Variants in SGMS1 observed in about 807,000 individuals in gnomAD.
SGMS1 encodes phosphatidylcholine:ceramide cholinephosphotransferase 1.
Under a neutral mutation model 46.2 loss-of-function variants are expected in SGMS1, and 13 were observed. That is an observed-to-expected ratio of 0.28 (90% CI 0.18 to 0.45). The LOEUF is 0.45. SGMS1 is among the 20% of genes least tolerant of loss of function. The pLI is 1.00. For synonymous variants in SGMS1, 203 were observed against 187.8 expected (o/e 1.08, Z -0.66); for missense variants, 324 against 519.9 (o/e 0.62, Z 3.66).
chr10:50,391,814 T>C (rs974053040), intron 6 of SGMS1, among the ~76,000 whole-genome samples: 2 of 144,520 alleles, frequency 1.4e-5, no homozygotes, highest in African/African-American at 5.2e-5. Flanking sequence ...GGTGTATATA[T>C]ATGCCATGGA....
intron 2 of SGMS1, among the ~76,000 whole-genome samples, chr10:50,530,166 C>T (rs1465964219): frequency 1.3e-5 from 2 of 152,154 alleles, no homozygotes; most frequent in African/African-American, 4.8e-5. Context: ...TTTAGATGAG[C>T]TTCATCAGAA....
chr10:50,584,725 G>A (rs1038287730), intron 2 of SGMS1, among the ~76,000 whole-genome samples: 1 of 152,164 alleles, frequency 6.6e-6, no homozygotes, highest in Non-Finnish European at 1.5e-5. Context: ...TTTGATGTCT[G>A]ATGGCTCCCA....
At chr10:50,370,854 C>T (rs777020074) in intron 6 of SGMS1, among the ~76,000 whole-genome samples, 47 of 151,998 alleles carry the variant, frequency 3.1e-4, no homozygotes, top group Admixed American at 4.6e-4. Flanking sequence ...AGAAGGTCTT[C>T]GGGGCAATAA....
chr10:50,392,775 C>T (rs1848792456), intron 6 of SGMS1, among the ~76,000 whole-genome samples: 1 of 152,178 alleles, frequency 6.6e-6, no homozygotes, highest in Non-Finnish European at 1.5e-5. Context: ...TACTGCCCCT[C>T]TTTCCCCAGA....
chr10:50,344,627 T>C (rs1847884391), intron 6 of SGMS1, among the ~76,000 whole-genome samples: 1 of 152,022 alleles, frequency 6.6e-6, no homozygotes. Flanking sequence ...CCCAGCGCTT[T>C]GGGAGAACGA....
intron 3 of SGMS1, among the ~76,000 whole-genome samples, chr10:50,476,774 G>A (rs1403662636): frequency 2.1e-4 from 32 of 152,254 alleles, no homozygotes; most frequent in Admixed American, 2.1e-3. Context: ...TCAGGCCACT[G>A]CTCCAGAGGG....
chr10:50,409,293 T>C (rs1006562152), intron 6 of SGMS1, among the ~76,000 whole-genome samples: 1 of 152,222 alleles, frequency 6.6e-6, no homozygotes, highest in Non-Finnish European at 1.5e-5. Flanking sequence ...ATACAATACA[T>C]TGTTGTTAAC....
At chr10:50,463,767 C>T (rs548498715) in intron 4 of SGMS1, among the ~76,000 whole-genome samples, 225 of 152,160 alleles carry the variant, frequency 1.5e-3, no homozygotes, top group Non-Finnish European at 1.9e-3. Context: ...AAGAGGTGGA[C>T]GCAACCCACA....
At chr10:50,546,852 C>A (rs1003143245) in intron 2 of SGMS1, among the ~76,000 whole-genome samples, 1 of 151,826 alleles carries the variant, frequency 6.6e-6, no homozygotes, top group Non-Finnish European at 1.5e-5. Context: ...GCACATGTAC[C>A]CTAAAACTTA....
At chr10:50,384,262 A>T (rs2133484442) in intron 6 of SGMS1, among the ~76,000 whole-genome samples, 1 of 152,274 alleles carries the variant, frequency 6.6e-6, no homozygotes, top group East Asian at 1.9e-4. Context: ...CATTTGTATG[A>T]TCTTGAGTAA....
chr10:50,504,987 A>G (rs1177807991), intron 3 of SGMS1, among the ~76,000 whole-genome samples: 1 of 152,200 alleles, frequency 6.6e-6, no homozygotes. Flanking sequence ...TGGGAGGCCA[A>G]GGCAGGAGGC....
intron 6 of SGMS1, among the ~76,000 whole-genome samples, chr10:50,430,391 C>T (rs1849391227): frequency 7.1e-6 from 1 of 141,300 alleles, no homozygotes; most frequent in Admixed American, 7.4e-5. Context: ...GATTTCAAAA[C>T]AATAGTAATA....
intron 2 of SGMS1, among the ~76,000 whole-genome samples, chr10:50,584,426 G>C (rs1475466036): frequency 3.3e-5 from 5 of 150,752 alleles, no homozygotes; most frequent in Non-Finnish European, 7.4e-5. Context: ...TTGAACCCGG[G>C]AGGCAGAGGT....
chr10:50,598,590 G>A (rs1273558486), intron 1 of SGMS1, among the ~76,000 whole-genome samples: 1 of 152,156 alleles, frequency 6.6e-6, no homozygotes, highest in Non-Finnish European at 1.5e-5. Context: ...GGGTCATATA[G>A]CTCTGAAGTT....
intron 2 of SGMS1, among the ~76,000 whole-genome samples, chr10:50,579,290 A>T (rs1478555790): frequency 4.6e-5 from 7 of 152,208 alleles, no homozygotes; most frequent in Non-Finnish European, 1.0e-4. Context: ...GGCTGTCATA[A>T]GACAGTAAGT....
chr10:50,379,411 C>A (rs1848569105), intron 6 of SGMS1, among the ~76,000 whole-genome samples: 1 of 148,590 alleles, frequency 6.7e-6, no homozygotes, highest in South Asian at 2.2e-4. Context: ...ATGTATTTAT[C>A]ATTCACATAT....
At chr10:50,436,481 T>G (rs896402275) in intron 5 of SGMS1, among the ~76,000 whole-genome samples, 1 of 152,182 alleles carries the variant, frequency 6.6e-6, no homozygotes, top group Non-Finnish European at 1.5e-5. Context: ...TTTAAAAGAA[T>G]GCAGAACACT....
At position 50,561,943 on chromosome 10, in the gene SGMS1, T is replaced by C. The variant is rs535641948; in HGVS notation, c.-589+28210A>G. On this transcript the variant is annotated intron_variant, in intron 2 of 10. Coordinates refer to ENST00000361781, the MANE Select transcript of SGMS1 (RefSeq NM_147156.4). Reference sequence around the variant, plus strand: ...GCAAGGAAGGAAGGAGGGGTTGCAATGACATCTCCGAGCCACCAGAGAGCA... The same window carrying C: ...GCAAGGAAGGAAGGAGGGGTTGCAACGACATCTCCGAGCCACCAGAGAGCA... Among the ~76,000 whole-genome samples the C allele has an allele frequency of 5.7e-4, 87 of 152,226 alleles. 2 individuals are homozygous for C. The South Asian group carries it at 0.018, about 32-fold the overall frequency.
chr10:50,345,223 T>C (rs79595239), intron 6 of SGMS1, among the ~76,000 whole-genome samples: 2,066 of 152,180 alleles, frequency 0.014, 57 homozygotes, highest in African/African-American at 0.047. Context: ...GAAGCCCATG[T>C]GAAGGGCCAA....
Sources: allele counts gnomAD v4.1 joint callset (sites outside exome capture counted in the v4.1 genomes callset), GRCh38; gene constraint gnomAD v4.1.1; transcripts MANE v1.5; gene names NCBI Gene and HGNC (gene_info 2026-07-23, HGNC 2026-07-21).